The following CPNE3 variants were observed in gnomAD, a reference collection of about 807,000 sequenced individuals.
CPNE3 encodes the protein copine-3.
CPNE3 carries 68 observed loss-of-function variants against 63.9 expected under a neutral mutation model. The ratio of observed to expected loss-of-function variants is 1.06; its 90% CI spans 0.87 to 1.30. The LOEUF (loss-of-function observed/expected upper bound fraction) is 1.30. CPNE3 is among the 50% of genes most tolerant of loss of function. The pLI is 0.00. For synonymous variants in CPNE3, 219 were observed against 197.5 expected (o/e 1.11, Z -0.91); for missense variants, 665 against 578.1 (o/e 1.15, Z -1.54).
chr8:86,542,815 A>G (rs28646897), intron 8 of CPNE3, among the ~76,000 whole-genome samples: 25,446 of 151,872 alleles, frequency 0.17, 4,904 homozygotes, highest in African/African-American at 0.47. Context: ...TTTTCTATAT[A>G]TTTATTATAG....
At chr8:86,517,112 T>C (rs2131414807) in intron 2 of CPNE3, among the ~76,000 whole-genome samples, 1 of 152,296 alleles carries the variant, frequency 6.6e-6, no homozygotes, top group East Asian at 1.9e-4. Context: ...TTGTTCTTGC[T>C]TGTGAGTGGG....
chr8:86,522,178 G>A (rs1820447812), intron 2 of CPNE3, among the ~76,000 whole-genome samples: 1 of 152,140 alleles, frequency 6.6e-6, no homozygotes, highest in African/African-American at 2.4e-5. Flanking sequence ...TCTCTGGGGA[G>A]CTTCTTCAGC....
chr8:86,529,031 G>A lies in CPNE3; in HGVS notation c.219G>A (p.Gln73=). 3 of 1,613,902 alleles carry A rather than the reference G, an allele frequency of 1.9e-6. No individual in the cohort carries two copies. The highest frequency in any genetic ancestry group is 2.5e-6 in the Non-Finnish European group (3 of 1,179,878). Residue 73 remains glutamine (Q), a synonymous_variant, in exon 4 of 17, where the codon CAG becomes CAA. Transcript: ENST00000517490. ...TTGATTACTACTTTGAAGTGGTTCA[G>A]AAATTGAAATTTGGGGTTTATGACA... ...FIIDYYFEVV[Q]KLKFGVYDID...
intron 2 of CPNE3, among the ~76,000 whole-genome samples, chr8:86,519,804 C>T (rs757759454): frequency 1.2e-4 from 18 of 152,194 alleles, no homozygotes; most frequent in Non-Finnish European, 1.9e-4. Flanking sequence ...ACCTCCGCCT[C>T]CCTGGTTCAA....
intron 2 of CPNE3, among the ~76,000 whole-genome samples, chr8:86,526,261 A>C (rs1344387722): frequency 6.6e-6 from 1 of 152,094 alleles, no homozygotes; most frequent in Admixed American, 6.5e-5. Flanking sequence ...GCATTACCCC[A>C]AATTTGATCT....
chr8:86,528,794 A>G, intron 3 of CPNE3, 117 bp downstream of exon 3: 1 of 1,394,442 alleles, frequency 7.2e-7, no homozygotes, highest in African/African-American at 1.5e-5. Flanking sequence ...GTTTTTTGTG[A>G]AAGTTTGTCC....
At chr8:86,519,705 A>C (rs775726599) in intron 2 of CPNE3, among the ~76,000 whole-genome samples, 1 of 152,100 alleles carries the variant, frequency 6.6e-6, no homozygotes, top group Non-Finnish European at 1.5e-5. Flanking sequence ...CATTTTTTTC[A>C]GATATAGCTT....
At chr8:86,530,202 C>T (rs1486812601) in intron 4 of CPNE3, among the ~76,000 whole-genome samples, 1 of 143,732 alleles carries the variant, frequency 7.0e-6, no homozygotes, top group Non-Finnish European at 1.5e-5. Flanking sequence ...CAGGGTCTCA[C>T]TAAGTCACCC....
At chr8:86,541,356 G>A (rs1820932887) in intron 8 of CPNE3, among the ~76,000 whole-genome samples, 1 of 152,122 alleles carries the variant, frequency 6.6e-6, no homozygotes. Flanking sequence ...AATTAAATTA[G>A]CAGAAGTGAA....
At position 86,529,032 on chromosome 8, in the gene CPNE3, A is replaced by T; in HGVS notation, c.220A>T (p.Lys74Ter). The T allele has an allele frequency of 5.0e-6, 8 of 1,613,940 alleles. No individual in the cohort carries two copies. The highest frequency in any genetic ancestry group is 6.8e-6 in the Non-Finnish European group (8 of 1,179,874). The change falls in exon 4 of 17, where the codon AAA becomes TAA. Residue 74 changes from lysine (K) to a stop codon, truncating the protein, a stop_gained. Transcript: ENST00000517490. LOFTEE classifies it high-confidence loss of function. The part of the protein sequence containing the change: ...IIDYYFEVVQ[K>*]LKFGVYDIDN... ...TGATTACTACTTTGAAGTGGTTCAG[A>T]AATTGAAATTTGGGGTTTATGACAT...
At chr8:86,519,454 T>C (rs1674648380) in intron 2 of CPNE3, among the ~76,000 whole-genome samples, 1 of 152,242 alleles carries the variant, frequency 6.6e-6, no homozygotes, top group African/African-American at 2.4e-5. Context: ...CTGCTCAAGA[T>C]AGTTTAAGAA....
chr8:86,538,406 G>A (rs1402362070), intron 7 of CPNE3, among the ~76,000 whole-genome samples: 6 of 152,086 alleles, frequency 3.9e-5, no homozygotes, highest in Admixed American at 3.9e-4. Context: ...GCTACAGCAG[G>A]TAGTTTAAAG....
At position 86,531,206 on chromosome 8, in the gene CPNE3, C is replaced by A. The variant is rs1432700719; in HGVS notation, c.364C>A (p.Pro122Thr). 2.3e-6 allele frequency: 3 copies of A among 1,295,300 alleles called. No homozygotes were observed. The highest frequency in any genetic ancestry group is 3.4e-6 in the Non-Finnish European group (3 of 888,776). The allele number at this position is 1,295,300 out of a possible 1,614,324, so 80.2% of individuals were successfully genotyped here. A position where few individuals can be genotyped will look rare whatever the true frequency, so the allele number is the denominator to read the frequency against. The change falls in exon 5 of 17, where the codon CCT (proline) becomes ACT (threonine). Residue 122 changes from proline to threonine, a missense_variant. By Grantham distance (38) the Pro-to-Thr change is conservative. Transcript: ENST00000517490. The part of the protein sequence containing the change: ...TRPLVMKTGR[P>T]AGKGSITISA... ...ACCACTGGTGATGAAAACTGGCAGA[C>A]CTGCAGGAAAAGGGAGCATTACGGT...
chr8:86,548,875 G>A (rs1037387164), intron 12 of CPNE3, among the ~76,000 whole-genome samples: 2 of 151,830 alleles, frequency 1.3e-5, no homozygotes, highest in African/African-American at 4.8e-5. Flanking sequence ...TACTATTTAT[G>A]TTAAGAAATA....
At chr8:86,531,610 G>A (rs1209154937) in intron 5 of CPNE3, among the ~76,000 whole-genome samples, 1 of 152,008 alleles carries the variant, frequency 6.6e-6, no homozygotes, top group Non-Finnish European at 1.5e-5. Context: ...TTCCCTAGTG[G>A]ATTTTATTCC....
chr8:86,530,318 C>T (rs557642388), intron 4 of CPNE3, among the ~76,000 whole-genome samples: 27 of 152,048 alleles, frequency 1.8e-4, no homozygotes, highest in African/African-American at 3.9e-4. Flanking sequence ...TATAAGCACA[C>T]GCCACTGCAC....
intron 9 of CPNE3, 65 bp from the exon 10 acceptor site, chr8:86,546,530 A>C: frequency 6.5e-7 from 1 of 1,530,226 alleles, no homozygotes; most frequent in Non-Finnish European, 9.0e-7. Flanking sequence ...TCATTCATTT[A>C]AAGTCACATT....
intron 2 of CPNE3, among the ~76,000 whole-genome samples, chr8:86,515,851 G>T (rs951955282): frequency 9.2e-5 from 14 of 152,212 alleles, no homozygotes; most frequent in African/African-American, 3.4e-4. Flanking sequence ...AGCTCTCTGT[G>T]TGTGCTGCCA....
At chr8:86,546,993 G>A (rs968488808) in intron 10 of CPNE3, among the ~76,000 whole-genome samples, 4 of 152,174 alleles carry the variant, frequency 2.6e-5, no homozygotes, top group African/African-American at 9.7e-5. Context: ...ACAGGTGTGA[G>A]CCACCGCATC....
Sources: allele counts gnomAD v4.1 joint callset (sites outside exome capture counted in the v4.1 genomes callset), GRCh38; gene constraint gnomAD v4.1.1; transcripts MANE v1.5; gene names NCBI Gene and HGNC (gene_info 2026-07-23, HGNC 2026-07-21).